The following GALNT3 variants were observed in gnomAD, a reference collection of about 807,000 sequenced individuals.
GALNT3 encodes the protein GalNAc transferase 3.
In GALNT3, 51 loss-of-function variants were observed where a neutral mutation model predicts 69.8. The ratio of observed to expected loss-of-function variants is 0.73; its 90% CI spans 0.58 to 0.92. GALNT3 has a LOEUF of 0.92. Among genes scored for constraint, GALNT3 ranks in the 40% least tolerant of loss-of-function variants. The pLI is 0.00. For synonymous variants in GALNT3, 265 were observed against 248.5 expected, an observed-to-expected ratio of 1.07 and a Z score of -0.63; for missense variants, 711 against 760.0, an observed-to-expected ratio of 0.94 and a Z score of 0.76.
Position 165,754,655 on chromosome 2 carries a change from T to C in GALNT3, c.1598A>G (p.Tyr533Cys). Reference protein sequence around the residue: ...NNQGGKPLIMYTCHGLGGNQY... With the variant: ...NNQGGKPLIMCTCHGLGGNQY... ...GTTTCCCCCAAGTCCATGACATGTATACATAATTAATGGTTTGCCTCCTTG... is the reference window on the plus strand; with the variant it reads ...GTTTCCCCCAAGTCCATGACATGTACACATAATTAATGGTTTGCCTCCTTG... The change falls in exon 9 of 11, where the codon TAT (tyrosine) becomes TGT (cysteine). Residue 533 changes from tyrosine to cysteine, a missense_variant. Coordinates refer to ENST00000392701, the MANE Select transcript of GALNT3 (RefSeq NM_004482.4). The C allele has an allele frequency of 9.9e-6, 16 of 1,613,428 alleles. No homozygotes were observed. Among genetic ancestry groups the C allele is most frequent in the Non-Finnish European group, 1.4e-5 (16 of 1,179,560 alleles).
chr2:165,766,463 A>G (rs1310688100), intron 2 of GALNT3, among the ~76,000 whole-genome samples: 1 of 152,216 alleles, frequency 6.6e-6, no homozygotes, highest in Non-Finnish European at 1.5e-5. Flanking sequence ...GAGAGTCTGC[A>G]TAGTCTCCAG....
chr2:165,748,411 C>T lies in GALNT3; in HGVS notation c.*370G>A. ...ACAGTAACAAATCTTTCTTCCTATC[C>T]CCCCAAAAAACTAGGGGAAATATTT... On this transcript the variant is annotated 3_prime_UTR_variant, in exon 11 of 11. Transcript: ENST00000392701. The T allele has an allele frequency of 1.5e-5, 4 of 269,502 alleles. No homozygotes were observed. Among genetic ancestry groups the T allele is most frequent in the Non-Finnish European group, 2.1e-5 (3 of 140,624 alleles). 16.7% of individuals were successfully genotyped at this position (269,502 alleles called of 1,614,324 possible).
intron 9 of GALNT3, 105 bp from the exon 10 acceptor site, chr2:165,749,999 T>C: frequency 9.8e-7 from 1 of 1,015,456 alleles, no homozygotes; most frequent in South Asian, 1.3e-5. Flanking sequence ...CATTTCTATT[T>C]CAACAAAATA....
chr2:165,790,765 C>T (rs1400471488), intron 1 of GALNT3, among the ~76,000 whole-genome samples: 1 of 152,090 alleles, frequency 6.6e-6, no homozygotes, highest in East Asian at 1.9e-4. Flanking sequence ...ATTTTAATCT[C>T]TCAATGTAGT....
intron 1 of GALNT3, among the ~76,000 whole-genome samples, chr2:165,789,257 A>G (rs1683293568): frequency 6.6e-6 from 1 of 152,204 alleles, no homozygotes; most frequent in African/African-American, 2.4e-5. Flanking sequence ...CATCCCTCAT[A>G]GATGGCCTCC....
rs114108558 is a variant in GALNT3, at chr2:165,792,192, T to C, written c.-109+1823A>G. Among the ~76,000 whole-genome samples, 951 of 152,328 alleles carry C rather than the reference T, an allele frequency of 6.2e-3. 8 individuals are homozygous for C. The highest frequency in any genetic ancestry group is 0.022 in the African/African-American group (894 of 41,564). ...GCTAGGGCTGGAAGATACTCCTGAT[T>C]GTTTTTAAGGTTTTGTTATCTTAAT... is the stretch of plus-strand genomic sequence containing the variant. On this transcript the variant is annotated intron_variant, in intron 1 of 10. Coordinates refer to ENST00000392701, the MANE Select transcript of GALNT3 (RefSeq NM_004482.4).
At chr2:165,780,274 T>C (rs1157104000) in intron 1 of GALNT3, among the ~76,000 whole-genome samples, 1 of 152,204 alleles carries the variant, frequency 6.6e-6, no homozygotes, top group Non-Finnish European at 1.5e-5. Flanking sequence ...GATGTGCTTT[T>C]GTGGGCACTC....
chr2:165,770,878 T>A, intron 1 of GALNT3, 70 bp from the exon 2 acceptor site: 1 of 594,876 alleles, frequency 1.7e-6, no homozygotes. Flanking sequence ...TTCATTCATT[T>A]AACCAACAAC....
At chr2:165,781,899 G>T (rs1283402149) in intron 1 of GALNT3, among the ~76,000 whole-genome samples, 3 of 152,090 alleles carry the variant, frequency 2.0e-5, no homozygotes, top group African/African-American at 7.2e-5. Flanking sequence ...TGTTTTTGGT[G>T]GTCCTTGTAA....
Position 165,781,807 on chromosome 2 carries a change from C to T in GALNT3, c.-108-10999G>A, listed in dbSNP as rs76560386. Reference sequence around the variant, plus strand: ...CAGTGTGATGACTTGTGAAATGTTACGATGATTAAGATTAAGAATTGATCT... The same window carrying T: ...CAGTGTGATGACTTGTGAAATGTTATGATGATTAAGATTAAGAATTGATCT... On this transcript the variant is annotated intron_variant, in intron 1 of 10. Coordinates refer to ENST00000392701, the MANE Select transcript of GALNT3 (RefSeq NM_004482.4). Among the ~76,000 whole-genome samples, 267 of 152,086 alleles carry T rather than the reference C, an allele frequency of 1.8e-3. No homozygotes were observed. In the East Asian group the frequency reaches 0.041, roughly 24 times the overall value.
At chr2:165,762,333 A>T (rs575194168) in intron 3 of GALNT3, among the ~76,000 whole-genome samples, 2 of 152,122 alleles carry the variant, frequency 1.3e-5, no homozygotes, top group South Asian at 4.1e-4. Flanking sequence ...GAAGTGAGAA[A>T]CTTCAAATGG....
intron 1 of GALNT3, among the ~76,000 whole-genome samples, chr2:165,788,466 G>GGT (rs148293638): frequency 0.35 from 48,775 of 139,326 alleles, 8,468 homozygotes; most frequent in East Asian, 0.59. Context: ...AATCCAAAAG[G>GGT]GTGTGTGTGT....
chr2:165,757,997 T>C (rs1261764848), intron 6 of GALNT3, among the ~76,000 whole-genome samples: 1 of 152,228 alleles, frequency 6.6e-6, no homozygotes, highest in Admixed American at 6.5e-5. Flanking sequence ...TCTCCTTTCT[T>C]TCTTGAACAA....
chr2:165,757,138 C>T lies in GALNT3; in HGVS notation c.1301G>A (p.Arg434Lys), dbSNP rs777232394. 1 of 1,614,092 alleles carries T rather than the reference C, an allele frequency of 6.2e-7. No individual in the cohort carries two copies. Among genetic ancestry groups the T allele is most frequent in the Non-Finnish European group, 8.5e-7 (1 of 1,179,972 alleles). ...GACTTCTGCAAGGCGAACTTGGTTT[C>T]TAGCAATCACCTGAGTGCCTTTTGG... Reference protein sequence around the residue: ...SFPKGTQVIARNQVRLAEVWM... With the variant: ...SFPKGTQVIAKNQVRLAEVWM... The change falls in exon 7 of 11, where the codon AGA (arginine) becomes AAA (lysine). Residue 434 changes from arginine (R) to lysine (K), a missense_variant. Physicochemically the swap from Arg to Lys is conservative, Grantham distance 26 (BLOSUM62 2). Transcript: ENST00000392701.
At chr2:165,773,332 C>T (rs1287375731) in intron 1 of GALNT3, among the ~76,000 whole-genome samples, 5 of 152,152 alleles carry the variant, frequency 3.3e-5, no homozygotes, top group Non-Finnish European at 5.9e-5. Flanking sequence ...TCATGTAAGA[C>T]GTGCCTTTGC....
rs115014880 is a variant in GALNT3, at chr2:165,749,481, G to A, written c.1779+261C>T. Among the ~76,000 whole-genome samples the A allele has an allele frequency of 4.8e-3, 728 of 152,128 alleles. 7 individuals are homozygous for A. The highest frequency in any genetic ancestry group is 0.017 in the African/African-American group (691 of 41,520). ...AAACCCTAAATAGTAAAAAACAAGC[G>A]ACTAATATTAATAATTCACAGAAGT... On this transcript the variant is annotated intron_variant, in intron 10 of 10. Transcript: ENST00000392701.
At chr2:165,768,017 G>GCACC (rs1688676341) in intron 2 of GALNT3, among the ~76,000 whole-genome samples, 1 of 151,868 alleles carries the variant, frequency 6.6e-6, no homozygotes, top group Admixed American at 6.6e-5. Flanking sequence ...GGGACTACAG[G>GCACC]CGCACATCAC....
At position 165,759,516 on chromosome 2, in the gene GALNT3, T is replaced by C. The variant is rs771510644; in HGVS notation, c.893A>G (p.Tyr298Cys). ...EPLLARIAEN[Y>C]TAVVSPDIAS... ...AATATCTGGACTTACGACAGCCGTGTAGTTCTCAGCTATTCTGGCCAACAG... is the reference window on the plus strand; with the variant it reads ...AATATCTGGACTTACGACAGCCGTGCAGTTCTCAGCTATTCTGGCCAACAG... Residue 298 changes from tyrosine (Y) to cysteine (C), a missense_variant, in exon 5 of 11, where the codon TAC (tyrosine) becomes TGC (cysteine). Transcript: ENST00000392701. 5 of 1,613,948 alleles carry C rather than the reference T, an allele frequency of 3.1e-6. No individual in the cohort carries two copies. The highest frequency in any genetic ancestry group is 3.4e-6 in the Non-Finnish European group (4 of 1,180,020).
intron 3 of GALNT3, among the ~76,000 whole-genome samples, chr2:165,762,687 A>G (rs1040588426): frequency 1.3e-5 from 2 of 152,236 alleles, no homozygotes; most frequent in African/African-American, 4.8e-5. Context: ...TATTGGGTAT[A>G]TACTTTAAGA....
Sources: allele counts gnomAD v4.1 joint callset (sites outside exome capture counted in the v4.1 genomes callset), GRCh38; gene constraint gnomAD v4.1.1; transcripts MANE v1.5; gene names NCBI Gene and HGNC (gene_info 2026-07-23, HGNC 2026-07-21).